Variants in GPHN observed in about 807,000 individuals in gnomAD.
The protein encoded by GPHN is gephyrin.
GPHN carries 17 observed loss-of-function variants against 95.5 expected under a neutral mutation model. The observed-to-expected ratio is 0.18, with a 90% CI of 0.12 to 0.27. The LOEUF (loss-of-function observed/expected upper bound fraction) is 0.27, where lower values mean the gene tolerates loss of function less well. Among genes scored for constraint, GPHN ranks in the 10% least tolerant of loss-of-function variants. GPHN has a pLI of 1.00. For synonymous variants in GPHN, 320 were observed against 322.5 expected, an observed-to-expected ratio of 0.99 and a Z score of 0.08; for missense variants, 660 against 978.1, an observed-to-expected ratio of 0.67 and a Z score of 4.34.
At chr14:66,603,335 A>G (rs1300434765) in intron 1 of GPHN, among the ~76,000 whole-genome samples, 1 of 151,888 alleles carries the variant, frequency 6.6e-6, no homozygotes, top group Non-Finnish European at 1.5e-5. Context: ...TGTGTGGTGT[A>G]TGCACACACA....
At chr14:66,975,853 A>AC (rs2070178010) in intron 9 of GPHN, among the ~76,000 whole-genome samples, 1 of 152,190 alleles carries the variant, frequency 6.6e-6, no homozygotes, top group Non-Finnish European at 1.5e-5. Flanking sequence ...AGCCTGGGTG[A>AC]CAAAGCAAGG....
chr14:66,608,078 A>G, intron 1 of GPHN, among the ~76,000 whole-genome samples: 1 of 130,202 alleles, frequency 7.7e-6, no homozygotes, highest in Admixed American at 8.0e-5. Flanking sequence ...GTACAAAGTT[A>G]GATTGTTAAT....
At chr14:67,696,619 T>G in the GPHN span, among the ~76,000 whole-genome samples, 3 of 152,332 alleles carry the variant, frequency 2.0e-5, no homozygotes, top group South Asian at 2.1e-4. Context: ...GCAATGAATA[T>G]CTCAGATTGG....
chr14:67,278,996 TCC>T, the GPHN span: 1 of 570,328 alleles, frequency 1.8e-6, no homozygotes, highest in African/African-American at 1.9e-5. Context: ...TACACTTTTT[TCC>T]CCCCCATCTT....
chr14:67,396,944 CTTTT>C, the GPHN span, among the ~76,000 whole-genome samples: 74 of 139,314 alleles, frequency 5.3e-4, no homozygotes, highest in East Asian at 0.011. Context: ...TATTGGGAGA[CTTTT>C]TTTTTTTTTT....
At chr14:66,541,904 G>C (rs989362675) in intron 1 of GPHN, among the ~76,000 whole-genome samples, 1 of 152,186 alleles carries the variant, frequency 6.6e-6, no homozygotes, top group Admixed American at 6.5e-5. Context: ...TATGCTTTGT[G>C]ATTTGGGCAA....
At chr14:67,667,900 C>T in the GPHN span, among the ~76,000 whole-genome samples, 3 of 151,944 alleles carry the variant, frequency 2.0e-5, no homozygotes, top group East Asian at 3.9e-4. Flanking sequence ...GCCGAGATCG[C>T]GCCACTGCAC....
At chr14:66,958,104 A>T (rs570426952) in intron 8 of GPHN, among the ~76,000 whole-genome samples, 1 of 152,306 alleles carries the variant, frequency 6.6e-6, no homozygotes, top group East Asian at 1.9e-4. Flanking sequence ...TTAAAAGTGG[A>T]ATATTGCAGT....
chr14:67,646,621 C>T, the GPHN span: 1 of 1,542,412 alleles, frequency 6.5e-7, no homozygotes, highest in Non-Finnish European at 9.0e-7. Context: ...TTGATTAATC[C>T]TGTCCATTTC....
chr14:66,848,341 A>G (rs1054196900), intron 4 of GPHN, among the ~76,000 whole-genome samples: 2 of 152,076 alleles, frequency 1.3e-5, no homozygotes, highest in African/African-American at 4.8e-5. Flanking sequence ...CTCAAAGAAA[A>G]TACTGTATCT....
At chr14:66,692,476 G>A (rs1297766505) in intron 2 of GPHN, among the ~76,000 whole-genome samples, 1 of 152,174 alleles carries the variant, frequency 6.6e-6, no homozygotes, top group African/African-American at 2.4e-5. Context: ...ACTATCTGTA[G>A]ATTCTCTAGT....
intron 19 of GPHN, among the ~76,000 whole-genome samples, chr14:67,164,621 A>G (rs895860523): frequency 6.6e-6 from 1 of 151,920 alleles, no homozygotes; most frequent in African/African-American, 2.4e-5. Flanking sequence ...CCTCCCGAGT[A>G]GCTGGGATTA....
intron 21 of GPHN, among the ~76,000 whole-genome samples, chr14:67,175,439 A>C (rs560511013): frequency 2.0e-5 from 3 of 151,982 alleles, no homozygotes; most frequent in Non-Finnish European, 4.4e-5. Context: ...TGGTCTATAT[A>C]TCTGTTTTGG....
At chr14:67,328,008 T>C in the GPHN span, among the ~76,000 whole-genome samples, 2 of 152,240 alleles carry the variant, frequency 1.3e-5, no homozygotes, top group African/African-American at 4.8e-5. Flanking sequence ...AGTAATGGGA[T>C]GGCTGGGTCA....
At chr14:66,696,432 G>A (rs1440299179) in intron 2 of GPHN, among the ~76,000 whole-genome samples, 1 of 152,206 alleles carries the variant, frequency 6.6e-6, no homozygotes, top group East Asian at 1.9e-4. Context: ...AAGAAATAAT[G>A]TGGTGGTGTG....
At chr14:67,520,383 C>T in the GPHN span, among the ~76,000 whole-genome samples, 6,191 of 152,300 alleles carry the variant, frequency 0.041, 165 homozygotes, top group Non-Finnish European at 0.062. Flanking sequence ...TTCTTTTCAC[C>T]TGCTCTACAG....
chr14:67,220,319 T>G, the GPHN span, among the ~76,000 whole-genome samples: 1 of 152,102 alleles, frequency 6.6e-6, no homozygotes, highest in Non-Finnish European at 1.5e-5. Flanking sequence ...AGTGCACACC[T>G]GAGGTCCCAG....
chr14:66,957,915 C>G (rs1251019148), intron 8 of GPHN, among the ~76,000 whole-genome samples: 2 of 152,138 alleles, frequency 1.3e-5, no homozygotes, highest in African/African-American at 4.8e-5. Flanking sequence ...TTGTGTGCTC[C>G]TTATGAGAAT....
chr14:67,457,605 G>C, the GPHN span, among the ~76,000 whole-genome samples: 1 of 152,182 alleles, frequency 6.6e-6, no homozygotes, highest in Non-Finnish European at 1.5e-5. Flanking sequence ...GACTTTGTCT[G>C]TAAAACCAAA....
Sources: allele counts gnomAD v4.1 joint callset (sites outside exome capture counted in the v4.1 genomes callset), GRCh38; gene constraint gnomAD v4.1.1; transcripts MANE v1.5; gene names NCBI Gene and HGNC (gene_info 2026-07-23, HGNC 2026-07-21).